The following GRIN2A variants were observed in gnomAD, a reference collection of about 807,000 sequenced individuals.
The protein encoded by GRIN2A is glutamate ionotropic receptor NMDA type subunit 2A.
In GRIN2A, 22 loss-of-function variants were observed where a neutral mutation model predicts 113.4. That is an observed-to-expected ratio of 0.19 (90% CI 0.14 to 0.28). The LOEUF is 0.28. Ranked by LOEUF, GRIN2A falls within the 10% of genes least tolerant of loss-of-function variation. The probability of loss-of-function intolerance (pLI) is 1.00; values close to 1 mark genes in which losing one functional copy is unlikely to be tolerated. For synonymous variants in GRIN2A, 827 were observed against 738.4 expected (o/e 1.12, Z -1.94); for missense variants, 1,502 against 1,887.0 (o/e 0.80, Z 3.78).
Position 9,794,367 on chromosome 16 carries a change from A to AG in GRIN2A, c.2356+3909dup, listed in dbSNP as rs1470630865. Among the ~76,000 whole-genome samples the AG allele has an allele frequency of 2.6e-5, 4 of 152,356 alleles. No individual in the cohort carries two copies. In the East Asian group the frequency reaches 5.8e-4, roughly 22 times the overall value. On this transcript the variant is annotated intron_variant, in intron 11 of 12. Coordinates refer to ENST00000330684, the MANE Select transcript of GRIN2A (RefSeq NM_001134407.3). ...TCCACTGAAGCTACTGTGTAACAAG[A>AG]GATAAACACTCCATTCTAGAGGATG... is the stretch of plus-strand genomic sequence containing the variant.
rs1239442947 is a variant in GRIN2A, at chr16:9,756,668, G to T, written c.*6481C>A. On this transcript the variant is annotated 3_prime_UTR_variant, in exon 13 of 13. Transcript: ENST00000330684. ...ATTTATATCTTAAGGTTGTTTTGAG[G>T]ATCACATTCTAGGATATGCCTAGAA... 5.2e-6 allele frequency: 1 copy of T among 190,810 alleles called. No homozygotes were observed. Among genetic ancestry groups the T allele is most frequent in the Admixed American group, 6.1e-5 (1 of 16,282 alleles). 11.8% of individuals were successfully genotyped at this position (190,810 alleles called of 1,614,324 possible). A position where few individuals can be genotyped will look rare whatever the true frequency, so the allele number is the denominator to read the frequency against.
intron 2 of GRIN2A, among the ~76,000 whole-genome samples, chr16:10,109,251 A>T (rs1322091005): frequency 6.6e-6 from 1 of 152,138 alleles, no homozygotes; most frequent in Admixed American, 6.5e-5. Context: ...ACCCTGTATC[A>T]ATTAAAGAAA....
chr16:9,857,612 G>T (rs575958299), intron 4 of GRIN2A, among the ~76,000 whole-genome samples: 25 of 152,198 alleles, frequency 1.6e-4, no homozygotes, highest in African/African-American at 4.8e-4. Context: ...GTGCCACTTG[G>T]GCAAATTTCT....
intron 2 of GRIN2A, among the ~76,000 whole-genome samples, chr16:9,954,920 C>T (rs571673011): frequency 1.8e-4 from 28 of 152,114 alleles, no homozygotes; most frequent in Non-Finnish European, 4.0e-4. Flanking sequence ...TAAGTTTGTA[C>T]CAAGTGGCGT....
At chr16:9,821,492 A>C (rs1203721691) in intron 10 of GRIN2A, among the ~76,000 whole-genome samples, 1 of 152,178 alleles carries the variant, frequency 6.6e-6, no homozygotes, top group African/African-American at 2.4e-5. Flanking sequence ...CCACAGAACA[A>C]TGGACTTTTC....
intron 2 of GRIN2A, among the ~76,000 whole-genome samples, chr16:9,993,070 ACC>A (rs397776329): frequency 6.7e-6 from 1 of 150,306 alleles, no homozygotes; most frequent in Non-Finnish European, 1.5e-5. Context: ...ACAAAAAAAA[ACC>A]CCAAAAAATT....
chr16:9,857,488 G>GT (rs887861233), intron 4 of GRIN2A, among the ~76,000 whole-genome samples: 4 of 152,148 alleles, frequency 2.6e-5, no homozygotes, highest in East Asian at 1.9e-4. Flanking sequence ...AAAAGGGAGA[G>GT]TTTTTTAAAA....
At chr16:10,047,728 A>AGAGTTAATATAT (rs1207855945) in intron 2 of GRIN2A, among the ~76,000 whole-genome samples, 2 of 152,236 alleles carry the variant, frequency 1.3e-5, no homozygotes, top group Admixed American at 6.5e-5. Context: ...GAAGTGTCTG[A>AGAGTTAATATAT]GAGTTAATAT....
chr16:9,990,588 C>CAT (rs2046091956), intron 2 of GRIN2A, among the ~76,000 whole-genome samples: 2 of 151,382 alleles, frequency 1.3e-5, no homozygotes, highest in Non-Finnish European at 2.9e-5. Flanking sequence ...CACACACACA[C>CAT]ACACACACAC....
chr16:10,005,909 C>T (rs2046397203), intron 2 of GRIN2A, among the ~76,000 whole-genome samples: 2 of 152,218 alleles, frequency 1.3e-5, no homozygotes, highest in Non-Finnish European at 2.9e-5. Flanking sequence ...CACATTTACA[C>T]AAACCTCTGA....
chr16:10,062,042 C>T (rs2047558883), intron 2 of GRIN2A, among the ~76,000 whole-genome samples: 1 of 152,090 alleles, frequency 6.6e-6, no homozygotes, highest in Non-Finnish European at 1.5e-5. Context: ...AACTGAGGAT[C>T]AGATAGGGTA....
At chr16:9,849,621 T>C (rs1181656094) in intron 5 of GRIN2A, 135 bp downstream of exon 5, 5 of 743,890 alleles carry the variant, frequency 6.7e-6, no homozygotes, top group Non-Finnish European at 9.7e-6. Flanking sequence ...AAATTGATTA[T>C]TGTATTATAC....
intron 1 of GRIN2A, among the ~76,000 whole-genome samples, chr16:10,181,263 A>G (rs2050266560): frequency 1.3e-5 from 2 of 150,066 alleles, no homozygotes; most frequent in African/African-American, 4.9e-5. Flanking sequence ...GCCGTGTGCA[A>G]TGCTGAATTC....
chr16:10,182,903 G>T (rs1231392258), upstream of GRIN2A: 1 of 152,304 alleles, frequency 6.6e-6, no homozygotes, highest in Non-Finnish European at 1.5e-5. Flanking sequence ...GAGTGTGTGT[G>T]TGAGTGTGGG....
At chr16:9,944,900 TCCAGCTCTGTA>T (rs1205334182) in intron 2 of GRIN2A, among the ~76,000 whole-genome samples, 3 of 152,218 alleles carry the variant, frequency 2.0e-5, no homozygotes, top group African/African-American at 7.2e-5. Flanking sequence ...TTTAACAAAC[TCCAGCTCTGTA>T]CCAGGCATTG....
chr16:10,066,252 G>A (rs1002347938), intron 2 of GRIN2A, among the ~76,000 whole-genome samples: 2 of 152,152 alleles, frequency 1.3e-5, no homozygotes, highest in African/African-American at 4.8e-5. Flanking sequence ...CTGCTACACT[G>A]CACATCTGGG....
At chr16:9,839,156 T>C (rs2042630700) in intron 7 of GRIN2A, among the ~76,000 whole-genome samples, 1 of 152,114 alleles carries the variant, frequency 6.6e-6, no homozygotes, top group South Asian at 2.1e-4. Flanking sequence ...TATATGGGAG[T>C]GCCAAGGGGG....
At chr16:9,813,521 CTT>C (rs71380937) in intron 10 of GRIN2A, among the ~76,000 whole-genome samples, 24 of 142,368 alleles carry the variant, frequency 1.7e-4, no homozygotes, top group African/African-American at 5.9e-4. Flanking sequence ...TTTTTTTTGC[CTT>C]TTTTTTTTTT....
At chr16:10,140,444 A>G (rs1281569901) in intron 2 of GRIN2A, among the ~76,000 whole-genome samples, 1 of 152,208 alleles carries the variant, frequency 6.6e-6, no homozygotes, top group African/African-American at 2.4e-5. Flanking sequence ...TGACACAGTC[A>G]AGACTAGAAT....
Sources: gnomAD v4.1 joint callset for allele counts (sites outside exome capture counted in the v4.1 genomes callset) on GRCh38, gnomAD v4.1.1 for gene constraint, MANE v1.5 for transcripts, NCBI Gene and HGNC (gene_info 2026-07-23, HGNC 2026-07-21) for gene names.